The following ATP9B variants were observed in gnomAD, a reference collection of about 807,000 sequenced individuals.
ATP9B encodes ATPase phospholipid transporting 9B.
A neutral mutation model predicts 146.1 loss-of-function variants in ATP9B; 110 were observed. That is an observed-to-expected ratio of 0.75 (90% CI 0.65 to 0.88). ATP9B has a LOEUF of 0.88. ATP9B is among the 40% of genes least tolerant of loss of function. The probability of loss-of-function intolerance (pLI) is 0.00; values close to 1 mark genes in which losing one functional copy is unlikely to be tolerated. For missense variants in ATP9B, 1,499 were observed against 1,496.4 expected (o/e 1.00, Z -0.03); for synonymous variants, 604 against 569.7 (o/e 1.06, Z -0.86).
chr18:79,184,945 T>C (rs1339212320), intron 8 of ATP9B, among the ~76,000 whole-genome samples: 1 of 150,878 alleles, frequency 6.6e-6, no homozygotes, highest in African/African-American at 2.4e-5. Context: ...GAAAAGAAAG[T>C]ACAGAATCAA....
At chr18:79,171,685 C>G (rs757427200) in intron 7 of ATP9B, among the ~76,000 whole-genome samples, 1 of 152,120 alleles carries the variant, frequency 6.6e-6, no homozygotes, top group Non-Finnish European at 1.5e-5. Flanking sequence ...CTGTCACCAC[C>G]AACGCAGTCA....
intron 3 of ATP9B, among the ~76,000 whole-genome samples, chr18:79,110,855 A>G (rs2075963329): frequency 6.6e-6 from 1 of 152,212 alleles, no homozygotes; most frequent in Non-Finnish European, 1.5e-5. Context: ...TCTGGGAACT[A>G]GTTTGGAGAA....
intron 15 of ATP9B, among the ~76,000 whole-genome samples, chr18:79,311,227 A>G (rs973040932): frequency 7.9e-5 from 12 of 152,216 alleles, no homozygotes; most frequent in Non-Finnish European, 1.8e-4. Flanking sequence ...ACACCCCACA[A>G]TTGAGAACCA....
At chr18:79,191,769 A>G (rs1161799192) in intron 8 of ATP9B, among the ~76,000 whole-genome samples, 2 of 152,120 alleles carry the variant, frequency 1.3e-5, no homozygotes, top group Non-Finnish European at 2.9e-5. Context: ...TCATTTCTTA[A>G]TGCTGAAGTT....
intron 17 of ATP9B, among the ~76,000 whole-genome samples, chr18:79,331,145 C>T (rs1001423348): frequency 5.9e-5 from 9 of 152,104 alleles, no homozygotes; most frequent in Non-Finnish European, 1.3e-4. Context: ...TAAACATGGC[C>T]CTTTTTCCTG....
At chr18:79,164,865 G>A (rs1483392892) in intron 7 of ATP9B, among the ~76,000 whole-genome samples, 1 of 152,200 alleles carries the variant, frequency 6.6e-6, no homozygotes, top group Non-Finnish European at 1.5e-5. Context: ...GAGACCACAA[G>A]AATGCTCAGT....
intron 14 of ATP9B, among the ~76,000 whole-genome samples, chr18:79,306,318 G>T (rs1228109654): frequency 6.6e-6 from 1 of 152,218 alleles, no homozygotes; most frequent in Admixed American, 6.5e-5. Flanking sequence ...TATTGCTTTG[G>T]TGGTGCCGAT....
chr18:79,225,531 T>C (rs551089400), intron 11 of ATP9B, among the ~76,000 whole-genome samples: 2 of 152,356 alleles, frequency 1.3e-5, no homozygotes, highest in South Asian at 2.1e-4. Context: ...TTCGAAACCA[T>C]GTTTTGGCCC....
At chr18:79,152,939 T>C (rs184645761) in intron 6 of ATP9B, among the ~76,000 whole-genome samples, 2 of 152,312 alleles carry the variant, frequency 1.3e-5, no homozygotes, top group Admixed American at 1.3e-4. Flanking sequence ...ACTACTCTAG[T>C]TTAATCTAGT....
chr18:79,100,857 CT>C (rs1568175421), intron 2 of ATP9B, among the ~76,000 whole-genome samples: 2 of 152,136 alleles, frequency 1.3e-5, no homozygotes, highest in Non-Finnish European at 2.9e-5. Flanking sequence ...AGAAAAACTC[CT>C]GTTTTTAAAA....
intron 15 of ATP9B, among the ~76,000 whole-genome samples, chr18:79,327,837 C>T (rs1489363920): frequency 1.7e-5 from 2 of 117,772 alleles, no homozygotes; most frequent in Admixed American, 8.9e-5. Flanking sequence ...GTGTGTTCTC[C>T]GTGGTTAGCG....
chr18:79,117,984 T>G (rs2094117768), intron 4 of ATP9B: 2 of 152,246 alleles, frequency 1.3e-5, no homozygotes, highest in African/African-American at 4.8e-5. Flanking sequence ...TGCAACATAC[T>G]TTTTTGGCTT....
At chr18:79,237,743 G>A (rs892555354) in intron 11 of ATP9B, among the ~76,000 whole-genome samples, 1 of 151,536 alleles carries the variant, frequency 6.6e-6, no homozygotes, top group East Asian at 1.9e-4. Flanking sequence ...CTGGATTTCA[G>A]TGGCATGATC....
chr18:79,247,314 T>C (rs1202305004), intron 11 of ATP9B, among the ~76,000 whole-genome samples: 1 of 152,218 alleles, frequency 6.6e-6, no homozygotes, highest in Non-Finnish European at 1.5e-5. Flanking sequence ...GATGTGTATA[T>C]GTGTATACAT....
intron 13 of ATP9B, among the ~76,000 whole-genome samples, chr18:79,302,345 G>A (rs958923928): frequency 1.3e-5 from 2 of 151,358 alleles, no homozygotes; most frequent in Admixed American, 1.3e-4. Context: ...ACCCCCCGGG[G>A]ACAAGGTGAA....
rs144998419 is a variant in ATP9B, at chr18:79,079,185, G to C, written c.119+9656G>C. Among the ~76,000 whole-genome samples, 220 of 152,294 alleles carry C rather than the reference G, an allele frequency of 1.4e-3. 2 individuals carry two copies. Among genetic ancestry groups the C allele is most frequent in the African/African-American group, 5.0e-3 (206 of 41,564 alleles). On this transcript the variant is annotated intron_variant, in intron 1 of 29. Coordinates refer to ENST00000426216, the MANE Select transcript of ATP9B (RefSeq NM_198531.5). ...CCTTTGGGTATATACCCAGTAATGG[G>C]ATTGCTGGGTCAGAGGGTATTTCTG...
At chr18:79,242,124 T>A (rs544815108) in intron 11 of ATP9B, among the ~76,000 whole-genome samples, 53 of 152,376 alleles carry the variant, frequency 3.5e-4, no homozygotes, top group Non-Finnish European at 6.6e-4. Context: ...GCGAGGGTTA[T>A]TAATTCGCTA....
At chr18:79,075,082 T>G (rs530838475) in intron 1 of ATP9B, among the ~76,000 whole-genome samples, 1 of 108,276 alleles carries the variant, frequency 9.2e-6, no homozygotes, top group Non-Finnish European at 1.9e-5. Flanking sequence ...CTTTTTAGAG[T>G]TTTTTTTTTT....
At chr18:79,274,158 A>AAT (rs2096282831) in intron 12 of ATP9B, among the ~76,000 whole-genome samples, 1 of 152,208 alleles carries the variant, frequency 6.6e-6, no homozygotes, top group Non-Finnish European at 1.5e-5. Flanking sequence ...TACTAGGTTT[A>AAT]ATATATATTG....
Sources: allele counts gnomAD v4.1 joint callset (sites outside exome capture counted in the v4.1 genomes callset), GRCh38; gene constraint gnomAD v4.1.1; transcripts MANE v1.5; gene names NCBI Gene and HGNC (gene_info 2026-07-23, HGNC 2026-07-21).